Variants in SAMD8 observed in about 807,000 individuals in gnomAD.
The protein encoded by SAMD8 is sphingomyelin synthase-related protein 1.
A neutral mutation model predicts 42.0 loss-of-function variants in SAMD8; 20 were observed. That is an observed-to-expected ratio of 0.48 (90% confidence interval 0.34 to 0.69). SAMD8 has a LOEUF of 0.69. Among genes scored for constraint, SAMD8 ranks in the 30% least tolerant of loss-of-function variants. SAMD8 has a pLI of 0.01. For missense variants in SAMD8, 328 were observed against 511.6 expected (o/e 0.64, Z 3.46); for synonymous variants, 162 against 173.0 (o/e 0.94, Z 0.50).
intron 4 of SAMD8, among the ~76,000 whole-genome samples, chr10:75,171,160 C>CTTTTTTTTTTTTTTTTTTTTTT (rs1003923090): frequency 2.3e-4 from 16 of 68,522 alleles, no homozygotes; most frequent in South Asian, 6.8e-4. Flanking sequence ...CTTTCTTTTT[C>CTTTTTTTTTTTTTTTTTTTTTT]TTTTTTTTTT....
At chr10:75,103,717 G>C (rs1435285325) in intron 1 of SAMD8, among the ~76,000 whole-genome samples, 2 of 152,240 alleles carry the variant, frequency 1.3e-5, no homozygotes, top group Non-Finnish European at 1.5e-5. Flanking sequence ...CTAAGGCTCA[G>C]CCCCTCCTGG....
intron 3 of SAMD8, among the ~76,000 whole-genome samples, chr10:75,167,689 C>T (rs1840721186): frequency 6.6e-6 from 1 of 152,166 alleles, no homozygotes; most frequent in South Asian, 2.1e-4. Context: ...AACTCCCAGG[C>T]CCAAGCAACC....
chr10:75,154,335 C>G (rs1431836301), intron 2 of SAMD8, among the ~76,000 whole-genome samples: 1 of 152,184 alleles, frequency 6.6e-6, no homozygotes, highest in Non-Finnish European at 1.5e-5. Context: ...CTTGTCTCCC[C>G]TTCTATACAG....
At chr10:75,112,656 C>T (rs1848800380) in intron 1 of SAMD8, among the ~76,000 whole-genome samples, 1 of 152,016 alleles carries the variant, frequency 6.6e-6, no homozygotes, top group African/African-American at 2.4e-5. Context: ...GTAATTTTTT[C>T]GTAGCTAAGT....
At chr10:75,131,741 G>A (rs1849277880) in intron 1 of SAMD8, among the ~76,000 whole-genome samples, 1 of 152,074 alleles carries the variant, frequency 6.6e-6, no homozygotes, top group Non-Finnish European at 1.5e-5. Context: ...TTAGCTCCAA[G>A]GAAAAGCAGC....
chr10:75,153,727 G>T (rs1840347677), intron 2 of SAMD8, among the ~76,000 whole-genome samples: 1 of 151,674 alleles, frequency 6.6e-6, no homozygotes, highest in African/African-American at 2.4e-5. Flanking sequence ...ATCTCATTTT[G>T]CTCCCTGTCA....
intron 1 of SAMD8, among the ~76,000 whole-genome samples, chr10:75,148,345 G>GC (rs1840192963): frequency 1.9e-5 from 2 of 104,006 alleles, no homozygotes; most frequent in African/African-American, 1.0e-4. Flanking sequence ...AGCAATACCA[G>GC]CTTTTTTTTT....
rs1334649485 is a variant in SAMD8 at position 75,111,732 on chromosome 10, A to C, written c.-16+10A>C. 4 of 1,233,698 alleles carry C rather than the reference A, an allele frequency of 3.2e-6. No homozygotes were observed. The highest frequency in any genetic ancestry group is 4.0e-6 in the Non-Finnish European group (4 of 988,798). 76.4% of individuals were successfully genotyped at this position (1,233,698 alleles called of 1,614,324 possible). A position where few individuals can be genotyped will look rare whatever the true frequency, so the allele number is the denominator to read the frequency against. ...GACTCGGACCGCGGAGGTGAGCGGGAGCTGAGGCTGAGGAGAGGGGAGCTT... is the reference window on the plus strand; with the variant it reads ...GACTCGGACCGCGGAGGTGAGCGGGCGCTGAGGCTGAGGAGAGGGGAGCTT... On this transcript the variant is annotated intron_variant, in intron 1 of 5. Coordinates refer to ENST00000542569, the MANE Select transcript of SAMD8 (RefSeq NM_001174156.2).
chr10:75,137,907 C>T (rs1462047581), intron 1 of SAMD8, among the ~76,000 whole-genome samples: 1 of 152,168 alleles, frequency 6.6e-6, no homozygotes, highest in African/African-American at 2.4e-5. Context: ...CAGAAAAGAG[C>T]ATGTATCTGT....
At chr10:75,115,646 A>G (rs1048426267) in intron 1 of SAMD8, among the ~76,000 whole-genome samples, 3 of 152,210 alleles carry the variant, frequency 2.0e-5, no homozygotes, top group African/African-American at 7.2e-5. Context: ...ACAATACTAT[A>G]GAATGTAACA....
At chr10:75,136,568 G>T (rs1285810702) in intron 1 of SAMD8, among the ~76,000 whole-genome samples, 1 of 152,132 alleles carries the variant, frequency 6.6e-6, no homozygotes, top group East Asian at 1.9e-4. Context: ...ATCAGTCAGG[G>T]TTCACTTGCA....
intron 1 of SAMD8, chr10:75,102,018 C>A: frequency 7.8e-7 from 1 of 1,275,572 alleles, no homozygotes. Flanking sequence ...CTCTTCCAGC[C>A]TCCCCTGCCA....
intron 1 of SAMD8, among the ~76,000 whole-genome samples, chr10:75,119,238 A>G (rs1222739689): frequency 1.3e-5 from 2 of 151,520 alleles, no homozygotes; most frequent in East Asian, 3.9e-4. Context: ...GCTCGCTGCA[A>G]CCTCCGCCTC....
chr10:75,156,658 C>T (rs1262334426), intron 2 of SAMD8, among the ~76,000 whole-genome samples: 1 of 151,542 alleles, frequency 6.6e-6, no homozygotes, highest in East Asian at 1.9e-4. Context: ...AAAACTTTAA[C>T]CTATATCTAA....
chr10:75,104,567 C>T (rs985126712), intron 1 of SAMD8, among the ~76,000 whole-genome samples: 5 of 152,168 alleles, frequency 3.3e-5, no homozygotes, highest in South Asian at 2.1e-4. Context: ...TCTGATGCTC[C>T]GCCAGGTTCC....
chr10:75,135,649 C>T (rs1380101111), intron 1 of SAMD8, among the ~76,000 whole-genome samples: 1 of 151,548 alleles, frequency 6.6e-6, no homozygotes, highest in Non-Finnish European at 1.5e-5. Flanking sequence ...CATGGTGAAA[C>T]CCTCTCTCTA....
At chr10:75,125,285 A>G (rs1849103548) in intron 1 of SAMD8, 1 of 152,236 alleles carries the variant, frequency 6.6e-6, no homozygotes, top group Non-Finnish European at 1.5e-5. Context: ...TGAACTGTGC[A>G]TGATGTATGC....
At chr10:75,121,816 C>G (rs1319154866) in intron 1 of SAMD8, among the ~76,000 whole-genome samples, 4 of 152,126 alleles carry the variant, frequency 2.6e-5, no homozygotes, top group Non-Finnish European at 4.4e-5. Context: ...CTCAGCCTCC[C>G]AAGTAGCTAG....
intron 3 of SAMD8, among the ~76,000 whole-genome samples, chr10:75,166,890 T>G (rs572922873): frequency 6.6e-6 from 1 of 152,338 alleles, no homozygotes; most frequent in South Asian, 2.1e-4. Context: ...CTCAAAGTGT[T>G]TGTACCACTT....
Sources: gnomAD v4.1 joint callset for allele counts (sites outside exome capture counted in the v4.1 genomes callset) on GRCh38, gnomAD v4.1.1 for gene constraint, MANE v1.5 for transcripts, NCBI Gene and HGNC (gene_info 2026-07-23, HGNC 2026-07-21) for gene names.